ARHGAP24: variants seen among roughly 807,000 people sequenced by gnomAD.
The protein encoded by ARHGAP24 is Rho GTPase activating protein 24, also known as rho GTPase-activating protein 24.
Under a neutral mutation model 76.4 loss-of-function variants are expected in ARHGAP24, and 50 were observed. That is an observed-to-expected ratio of 0.65 (90% CI 0.52 to 0.83). The LOEUF is 0.83. Ranked by LOEUF, ARHGAP24 falls within the 40% of genes least tolerant of loss-of-function variation. ARHGAP24 has a pLI of 0.00. For synonymous variants in ARHGAP24, 345 were observed against 323.3 expected (o/e 1.07, Z -0.72); for missense variants, 930 against 914.2 (o/e 1.02, Z -0.22).
chr4:85,499,588 T>C (rs1165898534), intron 1 of ARHGAP24, among the ~76,000 whole-genome samples: 1 of 152,238 alleles, frequency 6.6e-6, no homozygotes, highest in Non-Finnish European at 1.5e-5. Flanking sequence ...GCCTGCAGCC[T>C]TGGTGGGGCC....
intron 1 of ARHGAP24, among the ~76,000 whole-genome samples, chr4:85,504,794 G>T (rs1723969294): frequency 6.6e-6 from 1 of 152,160 alleles, no homozygotes; most frequent in Admixed American, 6.5e-5. Context: ...CCTGTTAATT[G>T]ATGCAGTTTC....
chr4:85,855,465 G>A (rs13116527), intron 3 of ARHGAP24, among the ~76,000 whole-genome samples: 1 of 152,156 alleles, frequency 6.6e-6, no homozygotes, highest in Non-Finnish European at 1.5e-5. Flanking sequence ...CCAGTACTTA[G>A]GGAGGCTGAG....
intron 2 of ARHGAP24, among the ~76,000 whole-genome samples, chr4:85,660,794 CAAAA>C (rs34228407): frequency 0.044 from 2,587 of 59,394 alleles, 96 homozygotes; most frequent in African/African-American, 0.14. Flanking sequence ...GACTCCGTCT[CAAAA>C]AAAAAAAAAA....
At chr4:85,690,547 G>T (rs1222857145) in intron 2 of ARHGAP24, among the ~76,000 whole-genome samples, 1 of 152,122 alleles carries the variant, frequency 6.6e-6, no homozygotes, top group Non-Finnish European at 1.5e-5. Context: ...TTGGAAGATT[G>T]TGTGTTTCCA....
rs11943402 is a variant in ARHGAP24 at position 85,814,862 on chromosome 4, G to A, written c.268+92890G>A. Among the ~76,000 whole-genome samples the A allele has an allele frequency of 9.8e-3, 1,498 of 152,274 alleles. 28 individuals carry two copies. The highest frequency in any genetic ancestry group is 0.034 in the African/African-American group (1,404 of 41,564). On this transcript the variant is annotated intron_variant, in intron 3 of 9. Transcript: ENST00000395184. Reference sequence around the variant, plus strand: ...TCCCTTCCACATTGCCCTAGCAGAGGTTCTCCATGAGAGCCCGACCCCTGC... The same window carrying A: ...TCCCTTCCACATTGCCCTAGCAGAGATTCTCCATGAGAGCCCGACCCCTGC...
At chr4:85,794,610 G>GT (rs764083768) in intron 3 of ARHGAP24, among the ~76,000 whole-genome samples, 21 of 152,076 alleles carry the variant, frequency 1.4e-4, no homozygotes, top group Non-Finnish European at 2.8e-4. Flanking sequence ...AGCCTCCCGA[G>GT]TGGCCAGGAT....
chr4:85,604,678 C>T lies in ARHGAP24; in HGVS notation c.180+33957C>T, dbSNP rs564845630. ...CTCAGCTCACTGCAACCCCCACCTC[C>T]TGGGTTCAAGCTATTCTCCTGCCTC... is the stretch of plus-strand genomic sequence containing the variant. On this transcript the variant is annotated intron_variant, in intron 2 of 9. Coordinates refer to ENST00000395184, the MANE Select transcript of ARHGAP24 (RefSeq NM_001025616.3). 1.6e-3 allele frequency among the ~76,000 whole-genome samples: 237 copies of T among 152,344 alleles called. 1 individual carries two copies. Among genetic ancestry groups the T allele is most frequent in the African/African-American group, 5.3e-3 (222 of 41,582 alleles).
At chr4:85,511,347 T>TG (rs748988444) in intron 1 of ARHGAP24, among the ~76,000 whole-genome samples, 8 of 152,172 alleles carry the variant, frequency 5.3e-5, no homozygotes, top group Non-Finnish European at 1.2e-4. Flanking sequence ...CCGAAGGCTT[T>TG]GGAGTTAGGC....
intron 2 of ARHGAP24, among the ~76,000 whole-genome samples, chr4:85,678,041 G>GA (rs1030967623): frequency 2.0e-4 from 27 of 137,948 alleles, no homozygotes; most frequent in African/African-American, 4.8e-4. Flanking sequence ...CTCCATCAAA[G>GA]AAAAAAAAAA....
chr4:85,631,681 C>T (rs1721164454), intron 2 of ARHGAP24, among the ~76,000 whole-genome samples: 1 of 151,966 alleles, frequency 6.6e-6, no homozygotes, highest in Non-Finnish European at 1.5e-5. Context: ...ACTCAATTTA[C>T]TTTTTCAAGT....
At chr4:85,743,044 C>T (rs1455537587) in intron 3 of ARHGAP24, among the ~76,000 whole-genome samples, 1 of 151,944 alleles carries the variant, frequency 6.6e-6, no homozygotes, top group Non-Finnish European at 1.5e-5. Flanking sequence ...ATCAGGGACT[C>T]CAGATCTCAG....
chr4:85,920,606 G>A (rs1735667009), intron 3 of ARHGAP24, among the ~76,000 whole-genome samples: 1 of 152,038 alleles, frequency 6.6e-6, no homozygotes, highest in Non-Finnish European at 1.5e-5. Context: ...CTACAGAATG[G>A]GAGAAAATTT....
At chr4:85,951,815 G>T (rs1381591692) in intron 5 of ARHGAP24, among the ~76,000 whole-genome samples, 3 of 151,972 alleles carry the variant, frequency 2.0e-5, no homozygotes, top group Non-Finnish European at 4.4e-5. Flanking sequence ...AGTTCCCACA[G>T]GTATTCTGCA....
intron 2 of ARHGAP24, among the ~76,000 whole-genome samples, chr4:85,616,667 G>A (rs181704180): frequency 1.1e-3 from 161 of 152,152 alleles, no homozygotes; most frequent in Middle Eastern, 3.4e-3. Flanking sequence ...TCATTCTGTC[G>A]CGCAGGCTGG....
intron 5 of ARHGAP24, chr4:85,942,554 T>G (rs1463420334): frequency 1.5e-5 from 5 of 336,846 alleles, no homozygotes; most frequent in Non-Finnish European, 2.2e-5. Flanking sequence ...CTGGAAAAAG[T>G]GAATTTATAA....
At chr4:85,877,682 C>T (rs1733021422) in intron 3 of ARHGAP24, among the ~76,000 whole-genome samples, 1 of 72,002 alleles carries the variant, frequency 1.4e-5, no homozygotes, top group Non-Finnish European at 2.9e-5. Flanking sequence ...ATCTAAAATA[C>T]AGTGAATTTA....
intron 8 of ARHGAP24, 131 bp downstream of exon 8, chr4:85,977,822 G>T (rs1363609913): frequency 1.8e-6 from 2 of 1,120,122 alleles, no homozygotes; most frequent in Non-Finnish European, 2.6e-6. Context: ...ATTAACTGAA[G>T]TTCTTTAAAT....
intron 2 of ARHGAP24, among the ~76,000 whole-genome samples, chr4:85,573,373 G>A (rs1159087367): frequency 6.6e-6 from 1 of 152,102 alleles, no homozygotes; most frequent in Non-Finnish European, 1.5e-5. Flanking sequence ...TCTATGAGTG[G>A]CCTAATTTCT....
chr4:85,778,772 A>G, intron 3 of ARHGAP24: 1 of 985,420 alleles, frequency 1.0e-6, no homozygotes, highest in Non-Finnish European at 1.2e-6. Context: ...AAGAGTTTAT[A>G]TCCCCTTCTA....
Sources: allele counts gnomAD v4.1 joint callset (sites outside exome capture counted in the v4.1 genomes callset), GRCh38; gene constraint gnomAD v4.1.1; transcripts MANE v1.5; gene names NCBI Gene and HGNC (gene_info 2026-07-23, HGNC 2026-07-21).